The following RAB21 variants were observed in gnomAD, a reference collection of about 807,000 sequenced individuals.
The protein encoded by RAB21 is RAB21, member RAS oncogene family.
Under a neutral mutation model 33.1 loss-of-function variants are expected in RAB21, and 13 were observed. That is an observed-to-expected ratio of 0.39 (90% CI 0.26 to 0.62). The LOEUF is 0.62. Among genes scored for constraint, RAB21 ranks in the 20% least tolerant of loss-of-function variants. The pLI, the probability that RAB21 is intolerant of heterozygous loss-of-function variation, is 0.48. For synonymous variants in RAB21, 91 were observed against 103.7 expected (o/e 0.88, Z 0.74); for missense variants, 234 against 279.1 (o/e 0.84, Z 1.15).
At chr12:71,756,639 A>G (rs1882789639) in intron 1 of RAB21, among the ~76,000 whole-genome samples, 1 of 152,246 alleles carries the variant, frequency 6.6e-6, no homozygotes, top group African/African-American at 2.4e-5. Context: ...TCCTTGTACC[A>G]GAACACTGAC....
At chr12:71,759,504 A>G (rs188157814) in intron 1 of RAB21, among the ~76,000 whole-genome samples, 160 of 152,358 alleles carry the variant, frequency 1.1e-3, no homozygotes, top group African/African-American at 3.8e-3. Context: ...TGGGCCATGC[A>G]TGGGCCACAG....
intron 4 of RAB21, among the ~76,000 whole-genome samples, chr12:71,776,570 A>G (rs1448915634): frequency 6.6e-6 from 1 of 152,154 alleles, no homozygotes; most frequent in East Asian, 1.9e-4. Flanking sequence ...AATGTTTATT[A>G]ATTATTAGTG....
At chr12:71,761,068 A>G (rs1565884367) in intron 1 of RAB21, among the ~76,000 whole-genome samples, 1 of 151,764 alleles carries the variant, frequency 6.6e-6, no homozygotes, top group Non-Finnish European at 1.5e-5. Context: ...ATAGCTGGGC[A>G]TGGTGATGCA....
At chr12:71,770,729 A>C (rs1464849333) in intron 3 of RAB21, 30 bp downstream of exon 3, 1 of 1,388,588 alleles carries the variant, frequency 7.2e-7, no homozygotes, top group Non-Finnish European at 1.0e-6. Context: ...ATGTCTTAGA[A>C]GAACAATAGT....
chr12:71,771,076 A>C (rs536278015), intron 3 of RAB21, among the ~76,000 whole-genome samples: 22 of 152,318 alleles, frequency 1.4e-4, no homozygotes, highest in African/African-American at 5.1e-4. Context: ...TTGGGCTCTT[A>C]AACTTGGTGT....
At chr12:71,785,356 GT>G (rs987498562) in intron 6 of RAB21, among the ~76,000 whole-genome samples, 174 bp from the exon 7 acceptor site, 3 of 152,158 alleles carry the variant, frequency 2.0e-5, no homozygotes, top group Non-Finnish European at 4.4e-5. Flanking sequence ...TTTGACACTA[GT>G]TTTTTAAAAC....
chr12:71,760,014 A>G (rs1009700122), intron 1 of RAB21, among the ~76,000 whole-genome samples: 6 of 152,186 alleles, frequency 3.9e-5, no homozygotes, highest in African/African-American at 7.2e-5. Context: ...TTGTTTAATA[A>G]ATGTTTGCTG....
At position 71,793,448 on chromosome 12, in the gene RAB21, A is replaced by C. The variant is rs1335740045; in HGVS notation, c.*7775A>C. 2 of 152,220 alleles carry C rather than the reference A, an allele frequency of 1.3e-5. No individual in the cohort carries two copies. The highest frequency in any genetic ancestry group is 2.4e-5 in the African/African-American group (1 of 41,452). The allele number at this position is 152,220 out of a possible 1,614,324, so 9.4% of individuals were successfully genotyped here. ...AGTGTCTTTTAAGGATATTTTTGATATTACAATATAATAAAGTTAAATCAT... is the reference window on the plus strand; with the variant it reads ...AGTGTCTTTTAAGGATATTTTTGATCTTACAATATAATAAAGTTAAATCAT... On this transcript the variant is annotated 3_prime_UTR_variant, in exon 7 of 7. Coordinates refer to ENST00000261263, the MANE Select transcript of RAB21 (RefSeq NM_014999.4).
chr12:71,760,899 A>C (rs1266336980), intron 1 of RAB21, among the ~76,000 whole-genome samples: 1 of 152,072 alleles, frequency 6.6e-6, no homozygotes, highest in Non-Finnish European at 1.5e-5. Flanking sequence ...CAGTTTGGCA[A>C]ATGAGGAAAC....
In RAB21 at chr12:71,785,799, T is replaced by A; in HGVS notation, c.*126T>A. 1.7e-6 allele frequency: 2 copies of A among 1,188,664 alleles called. No homozygotes were observed. The highest frequency in any genetic ancestry group is 2.4e-6 in the Non-Finnish European group (2 of 843,636). The allele number at this position is 1,188,664 out of a possible 1,614,324, so 73.6% of individuals were successfully genotyped here. A position where few individuals can be genotyped will look rare whatever the true frequency, so the allele number is the denominator to read the frequency against. On this transcript the variant is annotated 3_prime_UTR_variant, in exon 7 of 7. Transcript: ENST00000261263. ...ATTATAGAATTAACAGTATTTTAAA[T>A]TACGTTTATAACACTGCAGAGACCT... is the stretch of plus-strand genomic sequence containing the variant.
chr12:71,760,716 C>A (rs1404147016), intron 1 of RAB21, among the ~76,000 whole-genome samples: 1 of 152,034 alleles, frequency 6.6e-6, no homozygotes, highest in Non-Finnish European at 1.5e-5. Flanking sequence ...GTTATGTACC[C>A]CTTTTTTTTT....
In RAB21 at chr12:71,788,425, G is replaced by C. The variant is rs1883327819; in HGVS notation, c.*2752G>C. ...ATAGCAACAATAGACAACATGATAT[G>C]GCTGCTGTCACTTTGAAACCCAAAA... On this transcript the variant is annotated 3_prime_UTR_variant, in exon 7 of 7. Transcript: ENST00000261263. 1 of 152,048 alleles carries C rather than the reference G, an allele frequency of 6.6e-6. No homozygotes were observed. Among genetic ancestry groups the C allele is most frequent in the African/African-American group, 2.4e-5 (1 of 41,366 alleles). 9.4% of individuals were successfully genotyped at this position (152,048 alleles called of 1,614,324 possible). A position where few individuals can be genotyped will look rare whatever the true frequency, so the allele number is the denominator to read the frequency against.
chr12:71,768,364 T>C (rs1436592553), intron 1 of RAB21, among the ~76,000 whole-genome samples: 1 of 152,166 alleles, frequency 6.6e-6, no homozygotes, highest in East Asian at 1.9e-4. Flanking sequence ...CTTTTATCTG[T>C]TTCACCTTCT....
chr12:71,770,679 G>T lies in RAB21; in HGVS notation c.307G>T (p.Asp103Tyr). 6.3e-7 allele frequency: 1 copy of T among 1,590,378 alleles called. No homozygotes were observed. The highest frequency in any genetic ancestry group is 8.6e-7 in the Non-Finnish European group (1 of 1,160,742). ...AGCGATTTTAGTTTATGACATAACA[G>T]ATGAAGATTCTTTTCAGAAGGTATT... ...NGAILVYDIT[D>Y]EDSFQKVKNW... The change falls in exon 3 of 7, where the codon GAT becomes TAT. Residue 103 changes from aspartate (D) to tyrosine (Y), a missense_variant. Coordinates refer to ENST00000261263, the MANE Select transcript of RAB21 (RefSeq NM_014999.4).
intron 1 of RAB21, among the ~76,000 whole-genome samples, chr12:71,762,573 G>A (rs1295571889): frequency 6.6e-6 from 1 of 151,918 alleles, no homozygotes; most frequent in African/African-American, 2.4e-5. Flanking sequence ...CCAAAGTGCT[G>A]GGATAGGTTT....
intron 1 of RAB21, among the ~76,000 whole-genome samples, chr12:71,760,228 A>G (rs1201432435): frequency 6.6e-6 from 1 of 152,144 alleles, no homozygotes; most frequent in African/African-American, 2.4e-5. Flanking sequence ...TGAGATCTAC[A>G]TTTCCGGAAT....
intron 1 of RAB21, among the ~76,000 whole-genome samples, chr12:71,762,455 G>A (rs1195408048): frequency 4.0e-5 from 6 of 150,572 alleles, no homozygotes; most frequent in East Asian, 4.0e-4. Flanking sequence ...ACAGGCGCCC[G>A]CTACCACGCC....
rs1365871392 is a variant in RAB21, at chr12:71,796,857, G to A, written c.*11184G>A. ...ACTTGTAAGCTAAAAAGCCTGTTTC[G>A]TTCGGAAAAAAAAGTACATAACATT... is the stretch of plus-strand genomic sequence containing the variant. On this transcript the variant is annotated 3_prime_UTR_variant, in exon 7 of 7. Transcript: ENST00000261263. The A allele has an allele frequency of 3.9e-5, 6 of 151,960 alleles. No individual in the cohort carries two copies. Among genetic ancestry groups the A allele is most frequent in the Non-Finnish European group, 7.4e-5 (5 of 67,956 alleles). The allele number at this position is 151,960 out of a possible 1,614,324, so 9.4% of individuals were successfully genotyped here. A position where few individuals can be genotyped will look rare whatever the true frequency, so the allele number is the denominator to read the frequency against.
chr12:71,762,333 T>C (rs1882884559), intron 1 of RAB21, among the ~76,000 whole-genome samples: 1 of 152,144 alleles, frequency 6.6e-6, no homozygotes. Context: ...TGAGACGGAG[T>C]CTCGCTCTGT....
Sources: gnomAD v4.1 joint callset for allele counts (sites outside exome capture counted in the v4.1 genomes callset) on GRCh38, gnomAD v4.1.1 for gene constraint, MANE v1.5 for transcripts, NCBI Gene and HGNC (gene_info 2026-07-23, HGNC 2026-07-21) for gene names.